PCDHGA12: variants seen among roughly 807,000 people sequenced by gnomAD.
PCDHGA12 encodes the protein protocadherin gamma-A12.
Under a neutral mutation model 61.1 loss-of-function variants are expected in PCDHGA12, and 43 were observed. The ratio of observed to expected loss-of-function variants is 0.70; its 90% CI spans 0.55 to 0.91. The LOEUF is 0.91. Among genes scored for constraint, PCDHGA12 ranks in the 40% least tolerant of loss-of-function variants. The pLI, the probability that PCDHGA12 is intolerant of heterozygous loss-of-function variation, is 0.00. For synonymous variants in PCDHGA12, 520 were observed against 542.9 expected, an observed-to-expected ratio of 0.96 and a Z score of 0.59; for missense variants, 1,236 against 1,227.7, an observed-to-expected ratio of 1.01 and a Z score of -0.10.
chr5:141,475,572 C>T (rs2099365596), intron 1 of PCDHGA12, among the ~76,000 whole-genome samples: 1 of 152,214 alleles, frequency 6.6e-6, no homozygotes, highest in South Asian at 2.1e-4. Context: ...TTCCAACAAG[C>T]CAGATTTGTT....
chr5:141,466,415 C>T (rs995296505), intron 1 of PCDHGA12, among the ~76,000 whole-genome samples: 6 of 152,136 alleles, frequency 3.9e-5, no homozygotes, highest in Non-Finnish European at 8.8e-5. Context: ...ATTTTTCAGT[C>T]AGAATTGTGT....
At chr5:141,505,564 G>GGATGTCAAACCTGTGTAGTTTCTCCA in intron 3 of PCDHGA12, 83 bp downstream of exon 3, 1 of 1,603,196 alleles carries the variant, frequency 6.2e-7, no homozygotes, top group Non-Finnish European at 8.5e-7. Context: ...CCCACGGACT[G>GGATGTCAAACCTGTGTAGTTTCTCCA]GATGTCAAAC....
intron 1 of PCDHGA12, among the ~76,000 whole-genome samples, chr5:141,473,413 G>A (rs1282997381): frequency 6.6e-6 from 1 of 152,156 alleles, no homozygotes; most frequent in Non-Finnish European, 1.5e-5. Context: ...CTTCTTCAGT[G>A]GGGGAAGCAG....
chr5:141,483,444 T>C (rs956913442), intron 1 of PCDHGA12, among the ~76,000 whole-genome samples: 1 of 152,108 alleles, frequency 6.6e-6, no homozygotes, highest in African/African-American at 2.4e-5. Context: ...TACAATAAAA[T>C]CATCAGGACT....
chr5:141,466,450 G>A lies in PCDHGA12; in HGVS notation c.2425-28357G>A, dbSNP rs139024933. Reference sequence around the variant, plus strand: ...TAAGCTGAACCGAGATGTCTATGGTGTTGGCTATTGTTTCTGCTGTTAATT... The same window carrying A: ...TAAGCTGAACCGAGATGTCTATGGTATTGGCTATTGTTTCTGCTGTTAATT... On this transcript the variant is annotated intron_variant, in intron 1 of 3. Coordinates refer to ENST00000252085, the MANE Select transcript of PCDHGA12 (RefSeq NM_003735.3). Among the ~76,000 whole-genome samples, 714 of 152,290 alleles carry A rather than the reference G, an allele frequency of 4.7e-3. 2 individuals are homozygous for A. Among genetic ancestry groups the A allele is most frequent in the Non-Finnish European group, 7.0e-3 (479 of 68,028 alleles).
At chr5:141,503,736 T>C (rs1381045077) in intron 2 of PCDHGA12, among the ~76,000 whole-genome samples, 4 of 152,202 alleles carry the variant, frequency 2.6e-5, no homozygotes, top group African/African-American at 9.6e-5. Context: ...TTTGTTGTGA[T>C]GGTATAGAGG....
intron 1 of PCDHGA12, among the ~76,000 whole-genome samples, chr5:141,472,313 A>G (rs1411876003): frequency 6.7e-6 from 1 of 150,164 alleles, no homozygotes; most frequent in East Asian, 2.0e-4. Context: ...AAGCCGAGGC[A>G]GGCAGATCAC....
At chr5:141,442,158 A>T (rs966591795) in intron 1 of PCDHGA12, 1 of 157,594 alleles carries the variant, frequency 6.3e-6, no homozygotes, top group African/African-American at 2.4e-5. Context: ...CTCAGCGATC[A>T]CTCTGCAAAG....
In PCDHGA12 at chr5:141,476,327, G is replaced by A. The variant is rs2099389169; in HGVS notation, c.2425-18480G>A. The A allele has an allele frequency of 1.2e-6, 2 of 1,614,192 alleles. No individual in the cohort carries two copies. Among genetic ancestry groups the A allele is most frequent in the African/African-American group, 1.3e-5 (1 of 75,046 alleles). On this transcript the variant is annotated intron_variant, in intron 1 of 3. Transcript: ENST00000252085. The surrounding 1 kb of genome is among the most constrained non-coding windows in gnomAD (Gnocchi z 7.6). ...AGCCCGCAGGTTCCGGGTGGTGTCT[G>A]GAGCTAGCCGAAGATTCTTTGAGGT...
Position 141,485,432 on chromosome 5 carries a change from A to C in PCDHGA12, c.2425-9375A>C. The C allele has an allele frequency of 6.2e-7, 1 of 1,614,178 alleles. No individual in the cohort carries two copies. Among genetic ancestry groups the C allele is most frequent in the Non-Finnish European group, 8.5e-7 (1 of 1,180,028 alleles). ...TTTGGACAGCGGAGCCCTGCTCATC[A>C]AGAACCCAATCGACCGAGAGGCACT... On this transcript the variant is annotated intron_variant, in intron 1 of 3. Transcript: ENST00000252085. The surrounding 1 kb of genome is among the most constrained non-coding windows in gnomAD (Gnocchi z 5.7).
At chr5:141,478,137 G>C (rs762316494) in intron 1 of PCDHGA12, 1 of 1,613,872 alleles carries the variant, frequency 6.2e-7, no homozygotes, top group South Asian at 1.1e-5. Context: ...CCTGAAGCCC[G>C]AGCCGAGTTC....
chr5:141,451,497 G>T (rs2098717489), intron 1 of PCDHGA12, among the ~76,000 whole-genome samples: 1 of 152,214 alleles, frequency 6.6e-6, no homozygotes, highest in Admixed American at 6.5e-5. Flanking sequence ...CCTCCATAGG[G>T]CAACCAGCTT....
chr5:141,473,237 A>C (rs2099317600), intron 1 of PCDHGA12, among the ~76,000 whole-genome samples: 1 of 152,194 alleles, frequency 6.6e-6, no homozygotes, highest in African/African-American at 2.4e-5. Context: ...GATCCACACA[A>C]GTGAATACAT....
chr5:141,485,586 TG>T lies in PCDHGA12; in HGVS notation c.2425-9219del. The T allele has an allele frequency of 6.2e-7, 1 of 1,612,402 alleles. No homozygotes were observed. Among genetic ancestry groups the T allele is most frequent in the Non-Finnish European group, 8.5e-7 (1 of 1,178,600 alleles). Reference sequence around the variant, plus strand: ...GCCCCCCGTTTTCCGCGGCAGCAGCTGGACTTGGAAATTGGGGAGGCAGCTC... The same window carrying T: ...GCCCCCCGTTTTCCGCGGCAGCAGCTGACTTGGAAATTGGGGAGGCAGCTC... On this transcript the variant is annotated intron_variant, in intron 1 of 3. Coordinates refer to ENST00000252085, the MANE Select transcript of PCDHGA12 (RefSeq NM_003735.3). The surrounding 1 kb of genome is among the most constrained non-coding windows in gnomAD (Gnocchi z 5.7).
intron 1 of PCDHGA12, among the ~76,000 whole-genome samples, chr5:141,434,285 T>G (rs1358981946): frequency 6.6e-6 from 1 of 152,232 alleles, no homozygotes; most frequent in Non-Finnish European, 1.5e-5. Context: ...GTATTCTCTG[T>G]TTTTCCTGTA....
chr5:141,475,388 G>C (rs1230010845), intron 1 of PCDHGA12, among the ~76,000 whole-genome samples: 8 of 152,170 alleles, frequency 5.3e-5, no homozygotes, highest in Non-Finnish European at 1.0e-4. Flanking sequence ...AATTTTATAA[G>C]CCAGAGTTAA....
chr5:141,456,140 G>A (rs1032104368), intron 1 of PCDHGA12, among the ~76,000 whole-genome samples: 38 of 152,022 alleles, frequency 2.5e-4, no homozygotes, highest in African/African-American at 8.7e-4. Flanking sequence ...CTCCTGATCC[G>A]CCCGCCTCGG....
chr5:141,431,658 C>T lies in PCDHGA12; in HGVS notation c.899C>T (p.Thr300Ile), dbSNP rs1283381348. 6.2e-7 allele frequency: 1 copy of T among 1,614,088 alleles called. No individual in the cohort carries two copies. ...TTCAAACTAGATTGTAATTCAGGGA[C>T]AATATCAACAATAGGGGAGTTGGAC... ...QVFKLDCNSGTISTIGELDHE... is the reference protein window; with the variant it reads ...QVFKLDCNSGIISTIGELDHE... Residue 300 changes from threonine to isoleucine, a missense_variant, in exon 1 of 4, where the codon ACA (threonine) becomes ATA (isoleucine). Physicochemically the swap from Thr to Ile is moderately conservative, Grantham distance 89 (BLOSUM62 -1). Transcript: ENST00000252085. The surrounding 1 kb of genome is among the most constrained non-coding windows in gnomAD (Gnocchi z 4.8).
intron 1 of PCDHGA12, among the ~76,000 whole-genome samples, chr5:141,438,647 CACACAT>C (rs1324641788): frequency 3.8e-5 from 4 of 106,486 alleles, no homozygotes; most frequent in South Asian, 2.8e-4. Flanking sequence ...CACACACACA[CACACAT>C]ATATGTATAT....
Sources: allele counts gnomAD v4.1 joint callset (sites outside exome capture counted in the v4.1 genomes callset), GRCh38; gene constraint gnomAD v4.1.1; non-coding constraint Gnocchi (gnomAD v3.1); transcripts MANE v1.5; gene names NCBI Gene and HGNC (gene_info 2026-07-23, HGNC 2026-07-21).